KAT6B: variants seen among roughly 807,000 people sequenced by gnomAD.
The protein encoded by KAT6B is lysine acetyltransferase 6B, also known as histone acetyltransferase KAT6B.
Under a neutral mutation model 187.5 loss-of-function variants are expected in KAT6B, and 10 were observed. The ratio of observed to expected loss-of-function variants is 0.05; its 90% confidence interval spans 0.03 to 0.09. The LOEUF is 0.09. KAT6B is among the 10% of genes least tolerant of loss of function. The probability of loss-of-function intolerance (pLI) is 1.00; values close to 1 mark genes in which losing one functional copy is unlikely to be tolerated. For synonymous variants in KAT6B, 861 were observed against 926.8 expected (o/e 0.93, Z 1.29); for missense variants, 1,952 against 2,558.9 (o/e 0.76, Z 5.12).
At chr10:75,010,541 T>A (rs1053928440) in intron 13 of KAT6B, among the ~76,000 whole-genome samples, 1 of 152,226 alleles carries the variant, frequency 6.6e-6, no homozygotes, top group Non-Finnish European at 1.5e-5. Context: ...GTCCTATTTT[T>A]AAAAATTACA....
chr10:75,021,413 C>T, intron 15 of KAT6B, 128 bp downstream of exon 15: 2 of 810,344 alleles, frequency 2.5e-6, no homozygotes, highest in Non-Finnish European at 4.1e-6. Context: ...TGATATGGCA[C>T]TAATTTATCC....
chr10:74,859,127 C>T (rs1843000615), intron 3 of KAT6B, among the ~76,000 whole-genome samples: 1 of 152,092 alleles, frequency 6.6e-6, no homozygotes, highest in South Asian at 2.1e-4. Flanking sequence ...GTTGCTCAGG[C>T]TGGAGTGCAG....
At chr10:75,021,018 T>C (rs963342647) in intron 14 of KAT6B, 108 bp from the exon 15 acceptor site, 1 of 1,177,286 alleles carries the variant, frequency 8.5e-7, no homozygotes, top group African/African-American at 1.5e-5. Flanking sequence ...AGGTGCTTTC[T>C]GATTTTTCCT....
chr10:74,965,924 A>C (rs1589719484), intron 4 of KAT6B, among the ~76,000 whole-genome samples: 1 of 147,438 alleles, frequency 6.8e-6, no homozygotes, highest in African/African-American at 2.5e-5. Flanking sequence ...TTTAGTAGAG[A>C]CGGGGTTTCA....
At chr10:74,863,553 A>T (rs1461459855) in intron 3 of KAT6B, among the ~76,000 whole-genome samples, 2 of 152,238 alleles carry the variant, frequency 1.3e-5, no homozygotes, top group Non-Finnish European at 2.9e-5. Context: ...TTCCAAAAAG[A>T]TAGTACCAAT....
chr10:74,839,058 CAGG>C (rs1423699446), intron 2 of KAT6B, among the ~76,000 whole-genome samples: 1 of 151,040 alleles, frequency 6.6e-6, no homozygotes, highest in East Asian at 2.0e-4. Context: ...GAGGCTGAGG[CAGG>C]AGAATTGCTT....
intron 3 of KAT6B, among the ~76,000 whole-genome samples, chr10:74,941,968 G>A (rs752244914): frequency 3.3e-5 from 5 of 152,068 alleles, no homozygotes; most frequent in Non-Finnish European, 7.4e-5. Flanking sequence ...TGGCCAACAT[G>A]GCGAAACCCC....
intron 3 of KAT6B, among the ~76,000 whole-genome samples, chr10:74,875,884 A>G (rs1017638233): frequency 1.3e-5 from 2 of 152,150 alleles, no homozygotes; most frequent in African/African-American, 4.8e-5. Context: ...CTTCACACAA[A>G]TTATCATCTG....
chr10:74,895,509 A>T (rs918811162), intron 3 of KAT6B, among the ~76,000 whole-genome samples: 1 of 152,056 alleles, frequency 6.6e-6, no homozygotes, highest in Non-Finnish European at 1.5e-5. Flanking sequence ...AATTAATTCC[A>T]TAGTTTCACC....
intron 13 of KAT6B, among the ~76,000 whole-genome samples, chr10:74,994,778 G>T (rs1843323732): frequency 6.6e-6 from 1 of 151,376 alleles, no homozygotes; most frequent in Non-Finnish European, 1.5e-5. Flanking sequence ...CTCCAGTCTG[G>T]GTGAAAAAGC....
intron 3 of KAT6B, among the ~76,000 whole-genome samples, chr10:74,949,573 T>G (rs1186069964): frequency 6.6e-6 from 1 of 152,262 alleles, no homozygotes; most frequent in African/African-American, 2.4e-5. Flanking sequence ...ACCTGCCTGA[T>G]TAGAACAAGT....
chr10:75,016,589 G>A (rs1480470039), intron 13 of KAT6B, among the ~76,000 whole-genome samples: 1 of 152,216 alleles, frequency 6.6e-6, no homozygotes. Context: ...AGTAAGTGCT[G>A]TTGGCCAGCA....
intron 3 of KAT6B, among the ~76,000 whole-genome samples, chr10:74,914,842 A>G (rs1194959186): frequency 6.6e-6 from 1 of 152,184 alleles, no homozygotes; most frequent in East Asian, 1.9e-4. Context: ...CTGTGATCCT[A>G]GCACTTTGGG....
intron 3 of KAT6B, among the ~76,000 whole-genome samples, chr10:74,880,074 AAG>A (rs1307681059): frequency 6.6e-6 from 1 of 152,216 alleles, no homozygotes; most frequent in African/African-American, 2.4e-5. Flanking sequence ...ATTAAAAAAA[AAG>A]AGACATAATT....
intron 13 of KAT6B, among the ~76,000 whole-genome samples, chr10:75,006,051 C>CT (rs1844183174): frequency 6.6e-6 from 1 of 152,032 alleles, no homozygotes; most frequent in East Asian, 1.9e-4. Context: ...TGCATATGTC[C>CT]TTTTTTGGGG....
chr10:75,007,237 G>A (rs1449951411), intron 13 of KAT6B, among the ~76,000 whole-genome samples: 1 of 152,146 alleles, frequency 6.6e-6, no homozygotes, highest in African/African-American at 2.4e-5. Flanking sequence ...AGTCTTGCCA[G>A]TGGATGGAAC....
chr10:75,029,870 C>T lies in KAT6B; in HGVS notation c.5046C>T (p.Asn1682=). ...SIESTTENYE[N]PSSYDSTMGG... is the part of the protein sequence containing the mutation. The stretch of plus-strand genomic sequence containing the variant: ...AGAGCACAACTGAGAACTACGAAAA[C>T]CCAAGCAGCTACGATTCTACTATGG... Residue 1682 remains asparagine (N), a synonymous_variant, in exon 18 of 18, where the codon AAC becomes AAT. Transcript: ENST00000287239. This position sits in a 1 kb window ranked among gnomAD's most constrained non-coding sequence, Gnocchi z 6.2. 1 of 1,614,170 alleles carries T rather than the reference C, an allele frequency of 6.2e-7. No individual in the cohort carries two copies. The highest frequency in any genetic ancestry group is 8.5e-7 in the Non-Finnish European group (1 of 1,180,038).
intron 3 of KAT6B, among the ~76,000 whole-genome samples, chr10:74,861,759 T>C (rs1348264862): frequency 6.6e-6 from 1 of 152,240 alleles, no homozygotes; most frequent in Non-Finnish European, 1.5e-5. Context: ...TTTTACTGTT[T>C]ATAATAGACG....
intron 13 of KAT6B, among the ~76,000 whole-genome samples, chr10:74,990,229 A>G (rs919288158): frequency 4.9e-5 from 7 of 141,642 alleles, no homozygotes; most frequent in Non-Finnish European, 9.1e-5. Context: ...AAAAAAAAAA[A>G]GTCTGTCGCT....
Sources: gnomAD v4.1 joint callset for allele counts (sites outside exome capture counted in the v4.1 genomes callset) on GRCh38, gnomAD v4.1.1 for gene constraint, Gnocchi (gnomAD v3.1) non-coding constraint, MANE v1.5 for transcripts, NCBI Gene and HGNC (gene_info 2026-07-23, HGNC 2026-07-21) for gene names.